Variants in CDX1 observed in about 807,000 individuals in gnomAD.
CDX1 encodes homeobox protein CDX-1.
CDX1 carries 9 observed loss-of-function variants against 16.9 expected under a neutral mutation model. That is an observed-to-expected ratio of 0.53 (90% confidence interval 0.32 to 0.93). The LOEUF is 0.93. Ranked by LOEUF, CDX1 falls within the 40% of genes least tolerant of loss-of-function variation. CDX1 has a pLI of 0.04. For missense variants in CDX1, 393 were observed against 386.1 expected (o/e 1.02, Z -0.15); for synonymous variants, 179 against 179.0 (o/e 1.00, Z 0.00).
At chr5:150,175,548 C>T (rs1343567114) in intron 1 of CDX1, among the ~76,000 whole-genome samples, 1 of 152,120 alleles carries the variant, frequency 6.6e-6, no homozygotes, top group Non-Finnish European at 1.5e-5. Flanking sequence ...TCCCCGCTCC[C>T]ATGCCAGCTT....
chr5:150,167,278 G>A lies in CDX1; in HGVS notation c.402G>A (p.Glu134=), dbSNP rs1393545953. The change falls in exon 1 of 3, where the codon GAG becomes GAA. Residue 134 remains glutamate, a synonymous_variant. Coordinates refer to ENST00000231656, the MANE Select transcript of CDX1 (RefSeq NM_001804.3). The part of the protein sequence containing the change: ...SPGAQRPTPY[E]WMRRSVAAGG... ...GAGCGCAGAGGCCGACGCCCTACGAGTGGATGCGGCGCAGCGTGGCGGCCG... is the reference window on the plus strand; with the variant it reads ...GAGCGCAGAGGCCGACGCCCTACGAATGGATGCGGCGCAGCGTGGCGGCCG... 3.9e-6 allele frequency: 5 copies of A among 1,268,408 alleles called. No individual in the cohort carries two copies. Among genetic ancestry groups the A allele is most frequent in the Non-Finnish European group, 4.9e-6 (5 of 1,013,208 alleles). 78.6% of individuals were successfully genotyped at this position (1,268,408 alleles called of 1,614,324 possible).
At chr5:150,167,786 C>G (rs570046478) in intron 1 of CDX1, among the ~76,000 whole-genome samples, 1 of 152,238 alleles carries the variant, frequency 6.6e-6, no homozygotes, top group Non-Finnish European at 1.5e-5. Flanking sequence ...GGCTGGGTCT[C>G]CCCATCACAC....
intron 1 of CDX1, among the ~76,000 whole-genome samples, chr5:150,171,324 AT>A (rs1761502482): frequency 6.6e-6 from 1 of 152,188 alleles, no homozygotes; most frequent in Admixed American, 6.5e-5. Context: ...TTGCCATTTC[AT>A]TTTATGCCAT....
In CDX1 at chr5:150,184,008, A is replaced by G; in HGVS notation, c.*328A>G. The G allele has an allele frequency of 4.2e-6, 1 of 239,494 alleles. No individual in the cohort carries two copies. Among genetic ancestry groups the G allele is most frequent in the East Asian group, 8.1e-5 (1 of 12,386 alleles). 14.8% of individuals were successfully genotyped at this position (239,494 alleles called of 1,614,324 possible). ...GCCCCACCTCCTCCTCCATACGTTC[A>G]GAGGTGCAGCTGGAGGCTGCTGTGG... is the stretch of plus-strand genomic sequence containing the variant. On this transcript the variant is annotated 3_prime_UTR_variant, in exon 3 of 3. Transcript: ENST00000231656.
Position 150,183,895 on chromosome 5 carries a change from A to T in CDX1, c.*215A>T, listed in dbSNP as rs1306229687. On this transcript the variant is annotated 3_prime_UTR_variant, in exon 3 of 3. Transcript: ENST00000231656. ...CTCCTGTGTTCTAGACCTCTGGGGG[A>T]TAAGGGAGTCCAGGGTGGATGATCT... The T allele has an allele frequency of 1.0e-5, 4 of 401,044 alleles. No homozygotes were observed. Among genetic ancestry groups the T allele is most frequent in the Non-Finnish European group, 1.8e-5 (4 of 225,966 alleles). 24.8% of individuals were successfully genotyped at this position (401,044 alleles called of 1,614,324 possible). A position where few individuals can be genotyped will look rare whatever the true frequency, so the allele number is the denominator to read the frequency against.
At chr5:150,178,232 A>C (rs748208832) in intron 1 of CDX1, among the ~76,000 whole-genome samples, 3 of 152,184 alleles carry the variant, frequency 2.0e-5, no homozygotes, top group African/African-American at 4.8e-5. Flanking sequence ...CCTAATCCAC[A>C]TGGATGGGAC....
intron 1 of CDX1, among the ~76,000 whole-genome samples, chr5:150,181,586 ACT>A (rs1306285180): frequency 1.3e-5 from 2 of 151,652 alleles, no homozygotes; most frequent in African/African-American, 2.4e-5. Flanking sequence ...GCCCTACATG[ACT>A]CTTTCCTGTA....
chr5:150,172,023 A>G (rs551090959), intron 1 of CDX1, among the ~76,000 whole-genome samples: 4 of 152,312 alleles, frequency 2.6e-5, no homozygotes, highest in Admixed American at 2.6e-4. Flanking sequence ...TCACACTCCC[A>G]GCCTCTCTAG....
In CDX1 at chr5:150,183,576, AC is replaced by A. The variant is rs1169536378; in HGVS notation, c.695del (p.Thr232ArgfsTer28). 6.2e-7 allele frequency: 1 copy of A among 1,611,378 alleles called. No individual in the cohort carries two copies. Among genetic ancestry groups the A allele is most frequent in the Non-Finnish European group, 8.5e-7 (1 of 1,178,218 alleles). ...ACAGCCGCCGATGGCCCACGACATC[AC>A]GGCCACCCCAGCCGGGCCATCCCTG... ...PPQPPMAHDITATPAGPSLGG... is the reference protein window; with the variant it reads ...PPQPPMAHDIXATPAGPSLGG... On this transcript the variant is annotated frameshift_variant, in exon 3 of 3. Transcript: ENST00000231656. LOFTEE classifies it low-confidence loss of function (END_TRUNC).
intron 1 of CDX1, among the ~76,000 whole-genome samples, chr5:150,173,164 A>G (rs1470497063): frequency 6.6e-6 from 1 of 152,098 alleles, no homozygotes; most frequent in Non-Finnish European, 1.5e-5. Context: ...TCCCTCTCCT[A>G]CAGAATCTGC....
intron 1 of CDX1, among the ~76,000 whole-genome samples, chr5:150,175,922 C>T (rs1761564355): frequency 6.6e-6 from 1 of 152,190 alleles, no homozygotes; most frequent in African/African-American, 2.4e-5. Context: ...CTTTTTGTCT[C>T]CATAGCTTTT....
chr5:150,182,654 A>G, intron 1 of CDX1, 114 bp from the exon 2 acceptor site: 1 of 973,610 alleles, frequency 1.0e-6, no homozygotes, highest in Non-Finnish European at 1.5e-6. Flanking sequence ...TCCCCACCTC[A>G]GGGTCCTACT....
chr5:150,167,273 T>C lies in CDX1; in HGVS notation c.397T>C (p.Tyr133His). The C allele has an allele frequency of 7.9e-7, 1 of 1,267,326 alleles. No individual in the cohort carries two copies. The highest frequency in any genetic ancestry group is 3.2e-5 in the South Asian group (1 of 30,986). The allele number at this position is 1,267,326 out of a possible 1,614,324, so 78.5% of individuals were successfully genotyped here. ...GCCCGGAGCGCAGAGGCCGACGCCC[T>C]ACGAGTGGATGCGGCGCAGCGTGGC... ...SSPGAQRPTP[Y>H]EWMRRSVAAG... The change falls in exon 1 of 3, where the codon TAC (tyrosine) becomes CAC (histidine). Residue 133 changes from tyrosine to histidine, a missense_variant. Coordinates refer to ENST00000231656, the MANE Select transcript of CDX1 (RefSeq NM_001804.3).
At chr5:150,180,628 C>G (rs905533436) in intron 1 of CDX1, among the ~76,000 whole-genome samples, 1 of 151,966 alleles carries the variant, frequency 6.6e-6, no homozygotes, top group Non-Finnish European at 1.5e-5. Flanking sequence ...GGGACACTTG[C>G]GAGAGGCGGG....
intron 1 of CDX1, among the ~76,000 whole-genome samples, chr5:150,169,480 G>C (rs944253819): frequency 5.9e-5 from 9 of 152,110 alleles, no homozygotes; most frequent in African/African-American, 2.2e-4. Context: ...CAGGAACCCT[G>C]ACCTTCTTGA....
At chr5:150,181,952 T>G (rs1485452202) in intron 1 of CDX1, among the ~76,000 whole-genome samples, 2 of 152,096 alleles carry the variant, frequency 1.3e-5, no homozygotes, top group Non-Finnish European at 2.9e-5. Flanking sequence ...CAGACCAGCC[T>G]CCGGCCTCTG....
At chr5:150,171,085 C>T (rs1188496310) in intron 1 of CDX1, among the ~76,000 whole-genome samples, 2 of 152,010 alleles carry the variant, frequency 1.3e-5, no homozygotes, top group South Asian at 2.1e-4. Context: ...TTGGTCCAAC[C>T]CTGTCAACTT....
intron 1 of CDX1, among the ~76,000 whole-genome samples, chr5:150,182,264 CCTAT>C (rs1407388645): frequency 2.0e-5 from 3 of 152,228 alleles, no homozygotes; most frequent in Non-Finnish European, 4.4e-5. Flanking sequence ...AGCATTCAAA[CCTAT>C]CTGATATCTG....
In CDX1 at chr5:150,167,303, G is replaced by A. The variant is rs539576362; in HGVS notation, c.427G>A (p.Gly143Arg). The A allele has an allele frequency of 1.5e-3, 1,882 of 1,263,436 alleles. 9 individuals are homozygous for A. The Middle Eastern group carries it at 0.018, about 12-fold the overall frequency. The allele number at this position is 1,263,436 out of a possible 1,614,324, so 78.3% of individuals were successfully genotyped here. ...YEWMRRSVAA[G>R]GGGGSGKTRT... ...GTGGATGCGGCGCAGCGTGGCGGCC[G>A]GAGGCGGCGGTGGCAGCGGTAAGGA... is the stretch of plus-strand genomic sequence containing the variant. The change falls in exon 1 of 3, where the codon GGA becomes AGA. Residue 143 changes from glycine to arginine, a missense_variant. Coordinates refer to ENST00000231656, the MANE Select transcript of CDX1 (RefSeq NM_001804.3).
Sources: gnomAD v4.1 joint callset for allele counts (sites outside exome capture counted in the v4.1 genomes callset) on GRCh38, gnomAD v4.1.1 for gene constraint, MANE v1.5 for transcripts, NCBI Gene and HGNC (gene_info 2026-07-23, HGNC 2026-07-21) for gene names.